PLA2G4C: variants seen among roughly 807,000 people sequenced by gnomAD.
PLA2G4C encodes the protein cytosolic phospholipase A2 gamma.
Under a neutral mutation model 73.8 loss-of-function variants are expected in PLA2G4C, and 64 were observed. That is an observed-to-expected ratio of 0.87 (90% CI 0.71 to 1.07). PLA2G4C has a LOEUF of 1.07. Ranked by LOEUF, PLA2G4C falls within the 50% of genes least tolerant of loss-of-function variation. The pLI is 0.00. For missense variants in PLA2G4C, 622 were observed against 665.4 expected, an observed-to-expected ratio of 0.93 and a Z score of 0.72; for synonymous variants, 254 against 252.1, an observed-to-expected ratio of 1.01 and a Z score of -0.07.
chr19:48,062,188 C>T, intron 13 of PLA2G4C, 36 bp from the exon 14 acceptor site: 3 of 1,510,078 alleles, frequency 2.0e-6, no homozygotes, highest in South Asian at 1.3e-5. Context: ...TCAGCTGCTT[C>T]TGGGGACTGA....
At chr19:48,093,341 C>T (rs2031406625) in intron 7 of PLA2G4C, among the ~76,000 whole-genome samples, 1 of 152,124 alleles carries the variant, frequency 6.6e-6, no homozygotes, top group Non-Finnish European at 1.5e-5. Context: ...AGAGTCCATC[C>T]ACTTCCCTCC....
At chr19:48,066,939 C>A (rs1968448588) in intron 13 of PLA2G4C, among the ~76,000 whole-genome samples, 1 of 151,164 alleles carries the variant, frequency 6.6e-6, no homozygotes, top group Non-Finnish European at 1.5e-5. Flanking sequence ...ACTGCATTCC[C>A]ACCTGGGCAA....
chr19:48,097,388 G>T (rs796987170), intron 6 of PLA2G4C, among the ~76,000 whole-genome samples: 34 of 149,848 alleles, frequency 2.3e-4, no homozygotes, highest in African/African-American at 8.1e-4. Context: ...GAGCAGCTGG[G>T]ACTACAGGCG....
rs1568457804 is a variant in PLA2G4C, at chr19:48,105,968, T to TTCTG, written c.9-525_9-524insCAGA. On this transcript the variant is annotated intron_variant, in intron 2 of 16. Transcript: ENST00000599921. ...CTCCCTTCTTTCTTTCTTTCTTTCTTTCTTTCTTTCTTTCTTTCTTTCTTT... is the reference window on the plus strand; with the variant it reads ...CTCCCTTCTTTCTTTCTTTCTTTCTTTCTGTCTTTCTTTCTTTCTTTCTTTCTTT... Among the ~76,000 whole-genome samples, 223 of 77,966 alleles carry TTCTG rather than the reference T, an allele frequency of 2.9e-3. 90 individuals are homozygous for TTCTG. Among genetic ancestry groups the TTCTG allele is most frequent in the African/African-American group, 0.017 (161 of 9,566 alleles). The allele number at this position is 77,966 out of a possible 152,430, so 51.1% of individuals were successfully genotyped here.
intron 15 of PLA2G4C, among the ~76,000 whole-genome samples, chr19:48,054,056 AGGGTG>A (rs1448791796): frequency 6.6e-6 from 1 of 152,154 alleles, no homozygotes; most frequent in Non-Finnish European, 1.5e-5. Context: ...TCCAGGCCCA[AGGGTG>A]GACAGGATGA....
At chr19:48,057,576 G>A (rs545138967) in intron 14 of PLA2G4C, among the ~76,000 whole-genome samples, 38 of 131,166 alleles carry the variant, frequency 2.9e-4, no homozygotes, top group African/African-American at 9.6e-4. Flanking sequence ...TGCAACCTCC[G>A]CCTCCCAGAT....
At chr19:48,092,068 AT>A (rs34316461) in intron 7 of PLA2G4C, among the ~76,000 whole-genome samples, 78,384 of 143,968 alleles carry the variant, frequency 0.54, 20,736 homozygotes, top group African/African-American at 0.6. Flanking sequence ...CAAAAAAAAA[AT>A]TTTTTTTTTT....
intron 16 of PLA2G4C, among the ~76,000 whole-genome samples, chr19:48,052,554 A>G (rs964076637): frequency 1.3e-5 from 2 of 152,124 alleles, no homozygotes; most frequent in Non-Finnish European, 1.5e-5. Flanking sequence ...ACTGTGAGTC[A>G]ATTAAACCTC....
At chr19:48,078,195 T>C (rs2030298892) in intron 10 of PLA2G4C, among the ~76,000 whole-genome samples, 1 of 152,008 alleles carries the variant, frequency 6.6e-6, no homozygotes, top group South Asian at 2.1e-4. Flanking sequence ...CTCAACAAAA[T>C]CGGTATACAA....
At chr19:48,062,547 T>C (rs560575643) in intron 13 of PLA2G4C, among the ~76,000 whole-genome samples, 1 of 151,988 alleles carries the variant, frequency 6.6e-6, no homozygotes, top group East Asian at 1.9e-4. Flanking sequence ...GAGCCGGAGG[T>C]TGCAGTGAGC....
At chr19:48,078,971 C>T (rs566417080) in intron 10 of PLA2G4C, among the ~76,000 whole-genome samples, 100 of 150,774 alleles carry the variant, frequency 6.6e-4, no homozygotes, top group African/African-American at 2.4e-3. Context: ...CAAGTTCAAG[C>T]GATTCTCCTG....
intron 7 of PLA2G4C, among the ~76,000 whole-genome samples, chr19:48,091,247 G>GT (rs2031278961): frequency 6.6e-6 from 1 of 152,104 alleles, no homozygotes; most frequent in Admixed American, 6.5e-5. Flanking sequence ...GTGCAGTGGT[G>GT]TGATCTCGGC....
intron 4 of PLA2G4C, chr19:48,104,373 A>T: frequency 2.1e-6 from 1 of 481,488 alleles, no homozygotes; most frequent in Non-Finnish European, 3.7e-6. Context: ...CTGAAGTGGG[A>T]GCAGTTTTTT....
intron 10 of PLA2G4C, among the ~76,000 whole-genome samples, chr19:48,080,640 C>T (rs2030487956): frequency 6.6e-6 from 1 of 151,818 alleles, no homozygotes; most frequent in Admixed American, 6.6e-5. Flanking sequence ...GAAACCCCAT[C>T]TCTACTAAAA....
chr19:48,071,572 A>T (rs11672262), intron 12 of PLA2G4C, among the ~76,000 whole-genome samples: 10 of 151,240 alleles, frequency 6.6e-5, no homozygotes, highest in Admixed American at 1.3e-4. Context: ...GCTGGGATTA[A>T]AGCCATGAGC....
chr19:48,103,816 T>C (rs1032845773), intron 4 of PLA2G4C, among the ~76,000 whole-genome samples: 3 of 152,226 alleles, frequency 2.0e-5, no homozygotes, highest in Non-Finnish European at 2.9e-5. Context: ...GCTTTGTCCA[T>C]GGCTTTGTGT....
intron 10 of PLA2G4C, among the ~76,000 whole-genome samples, chr19:48,083,949 G>A (rs955729765): frequency 5.3e-5 from 8 of 151,766 alleles, no homozygotes; most frequent in Non-Finnish European, 1.2e-4. Context: ...TCCATGACCC[G>A]GTGGCTCTCA....
chr19:48,079,960 CA>C (rs1325814109), intron 10 of PLA2G4C, among the ~76,000 whole-genome samples: 4 of 152,036 alleles, frequency 2.6e-5, no homozygotes, highest in Non-Finnish European at 5.9e-5. Flanking sequence ...GACTCCGTCT[CA>C]AAAATAAACA....
At chr19:48,109,678 C>A (rs2032391093) in intron 1 of PLA2G4C, among the ~76,000 whole-genome samples, 1 of 151,932 alleles carries the variant, frequency 6.6e-6, no homozygotes, top group South Asian at 2.1e-4. Flanking sequence ...GAGATGGAGT[C>A]TCGCTTTGTG....
Sources: gnomAD v4.1 joint callset for allele counts (sites outside exome capture counted in the v4.1 genomes callset) on GRCh38, gnomAD v4.1.1 for gene constraint, MANE v1.5 for transcripts, NCBI Gene and HGNC (gene_info 2026-07-23, HGNC 2026-07-21) for gene names.